NTS: variants seen among roughly 807,000 people sequenced by gnomAD.
NTS encodes the protein neurotensin/neuromedin N.
In NTS, 20 loss-of-function variants were observed where a neutral mutation model predicts 19.5. The ratio of observed to expected loss-of-function variants is 1.02; its 90% CI spans 0.72 to 1.49. The LOEUF (loss-of-function observed/expected upper bound fraction) is 1.49, where lower values mean the gene tolerates loss of function less well. NTS is among the 40% of genes most tolerant of loss of function. NTS has a pLI of 0.00. For missense variants in NTS, 215 were observed against 193.1 expected, an observed-to-expected ratio of 1.11 and a Z score of -0.67; for synonymous variants, 71 against 63.3, an observed-to-expected ratio of 1.12 and a Z score of -0.58.
At chr12:85,875,262 G>A (rs564243124) in intron 1 of NTS, among the ~76,000 whole-genome samples, 2 of 152,112 alleles carry the variant, frequency 1.3e-5, no homozygotes, top group South Asian at 4.1e-4. Context: ...AAATTGAAAG[G>A]TATAACATGA....
In NTS at chr12:85,882,867, C is replaced by G. The variant is rs1181072262; in HGVS notation, c.*492C>G. 1 of 150,650 alleles carries G rather than the reference C, an allele frequency of 6.6e-6. No homozygotes were observed. Among genetic ancestry groups the G allele is most frequent in the Non-Finnish European group, 1.5e-5 (1 of 67,098 alleles). 9.3% of individuals were successfully genotyped at this position (150,650 alleles called of 1,614,324 possible). A position where few individuals can be genotyped will look rare whatever the true frequency, so the allele number is the denominator to read the frequency against. ...AAAAGTTATTGTGATAAAATAGGAA[C>G]AGCTGAAAGATTGATTAATGAACTA... On this transcript the variant is annotated 3_prime_UTR_variant, in exon 4 of 4. Coordinates refer to ENST00000256010, the MANE Select transcript of NTS (RefSeq NM_006183.5).
chr12:85,875,585 A>G (rs1283801916), intron 1 of NTS, among the ~76,000 whole-genome samples: 1 of 152,066 alleles, frequency 6.6e-6, no homozygotes, highest in Non-Finnish European at 1.5e-5. Flanking sequence ...AAACTTTTCT[A>G]TAATTATGAT....
In NTS at chr12:85,882,908, A is replaced by G. The variant is rs908590077; in HGVS notation, c.*533A>G. On this transcript the variant is annotated 3_prime_UTR_variant, in exon 4 of 4. Transcript: ENST00000256010. ...TAATGAACTATTGTTAATTCTTCCT[A>G]TTTTAATGAATGACATTGAACTGAA... 6.6e-6 allele frequency: 1 copy of G among 152,114 alleles called. No homozygotes were observed. The highest frequency in any genetic ancestry group is 1.5e-5 in the Non-Finnish European group (1 of 67,966). The allele number at this position is 152,114 out of a possible 1,614,324, so 9.4% of individuals were successfully genotyped here.
intron 1 of NTS, among the ~76,000 whole-genome samples, chr12:85,875,990 C>A (rs1355083317): frequency 6.6e-6 from 1 of 151,874 alleles, no homozygotes; most frequent in Non-Finnish European, 1.5e-5. Context: ...ATCCAGAGAT[C>A]CATTTTCAAT....
chr12:85,878,292 C>T, intron 2 of NTS, 53 bp from the exon 3 acceptor site: 1 of 1,304,326 alleles, frequency 7.7e-7, no homozygotes, highest in Non-Finnish European at 1.1e-6. Context: ...GAATTCATTT[C>T]TTGCTCATGT....
intron 2 of NTS, among the ~76,000 whole-genome samples, chr12:85,877,305 C>A (rs560212575): frequency 1.3e-5 from 2 of 151,912 alleles, no homozygotes; most frequent in South Asian, 4.2e-4. Context: ...AGACATTTAC[C>A]GTTCTACAAT....
chr12:85,881,155 G>A (rs1317159421), intron 3 of NTS, among the ~76,000 whole-genome samples: 1 of 152,070 alleles, frequency 6.6e-6, no homozygotes, highest in African/African-American at 2.4e-5. Flanking sequence ...TCTGAGCATA[G>A]TACAAGTAAT....
chr12:85,879,573 T>G (rs1881448304), intron 3 of NTS, among the ~76,000 whole-genome samples: 1 of 86,926 alleles, frequency 1.2e-5, no homozygotes, highest in South Asian at 2.9e-4. Flanking sequence ...TAAAATATAT[T>G]TTTTGTATAT....
intron 3 of NTS, among the ~76,000 whole-genome samples, chr12:85,879,777 T>C (rs1268677434): frequency 7.1e-6 from 1 of 140,884 alleles, no homozygotes; most frequent in East Asian, 2.0e-4. Context: ...ATATAAAATA[T>C]ATTTTTTGTA....
At chr12:85,874,611 A>C in intron 1 of NTS, 135 bp downstream of exon 1, 2 of 541,780 alleles carry the variant, frequency 3.7e-6, no homozygotes, top group South Asian at 5.2e-5. Context: ...TAGTGACAGA[A>C]ACTGAGTATC....
chr12:85,874,502 C>T, intron 1 of NTS, 26 bp downstream of exon 1: 2 of 1,519,382 alleles, frequency 1.3e-6, no homozygotes, highest in Non-Finnish European at 1.8e-6. Flanking sequence ...TTTCACAACT[C>T]CCTGAAGTGA....
intron 3 of NTS, 134 bp downstream of exon 3, chr12:85,878,703 G>T (rs995469842): frequency 2.6e-5 from 13 of 504,014 alleles, no homozygotes; most frequent in Admixed American, 4.0e-5. Context: ...GCCATGTTTT[G>T]AAGTCAACAT....
rs1044679444 is a variant in NTS at position 85,879,808 on chromosome 12, A to T, written c.360+1239A>T. On this transcript the variant is annotated intron_variant, in intron 3 of 3. Coordinates refer to ENST00000256010, the MANE Select transcript of NTS (RefSeq NM_006183.5). ...TTGTATATTTTTGTATATAAAATAT[A>T]TTTTTATGTATATTTTATGTATATA... Among the ~76,000 whole-genome samples the T allele has an allele frequency of 2.6e-4, 33 of 125,294 alleles. 1 individual carries two copies. The highest frequency in any genetic ancestry group is 5.5e-4 in the Admixed American group (7 of 12,672). 82.2% of individuals were successfully genotyped at this position (125,294 alleles called of 152,430 possible). A position where few individuals can be genotyped will look rare whatever the true frequency, so the allele number is the denominator to read the frequency against.
At chr12:85,882,097 G>A (rs1881515007) in intron 3 of NTS, 126 bp from the exon 4 acceptor site, 1 of 688,718 alleles carries the variant, frequency 1.5e-6, no homozygotes, top group African/African-American at 1.9e-5. Flanking sequence ...TGAACTTCAT[G>A]TATCTCGTAT....
intron 2 of NTS, chr12:85,878,132 T>C (rs1881388640): frequency 1.2e-5 from 5 of 423,806 alleles, no homozygotes; most frequent in South Asian, 1.0e-4. Context: ...TGCATGTATA[T>C]GTGAATATAA....
intron 3 of NTS, among the ~76,000 whole-genome samples, chr12:85,880,442 C>T (rs1479744380): frequency 6.6e-6 from 1 of 152,128 alleles, no homozygotes; most frequent in Non-Finnish European, 1.5e-5. Flanking sequence ...TTTACACTAA[C>T]ATTGGGGATC....
rs1174054068 is a variant in NTS, at chr12:85,882,665, G to A, written c.*290G>A. The A allele has an allele frequency of 1.4e-5, 3 of 214,190 alleles. No individual in the cohort carries two copies. The highest frequency in any genetic ancestry group is 2.7e-5 in the Non-Finnish European group (3 of 109,694). 13.3% of individuals were successfully genotyped at this position (214,190 alleles called of 1,614,324 possible). ...CTTGAGTTGTTTAAACAGTCAAAAT[G>A]TTTGATATTTTATACCAGCTTATGA... On this transcript the variant is annotated 3_prime_UTR_variant, in exon 4 of 4. Coordinates refer to ENST00000256010, the MANE Select transcript of NTS (RefSeq NM_006183.5).
At position 85,878,558 on chromosome 12, in the gene NTS, CA is replaced by C. The variant is rs1824899130; in HGVS notation, c.351del (p.Gln117HisfsTer5). On this transcript the variant is annotated frameshift_variant, in exon 3 of 4. Coordinates refer to ENST00000256010, the MANE Select transcript of NTS (RefSeq NM_006183.5). LOFTEE classifies it high-confidence loss of function. ...CAAAATCTGTCACAGCAGGGCTTTT[CA>C]ACACTGGGAGGTATAGCAATAACAA... Reference protein sequence around the residue: ...LHKICHSRAFQHWELIQEDIL... With the variant: ...LHKICHSRAFXHWELIQEDIL... 6.2e-7 allele frequency: 1 copy of C among 1,607,396 alleles called. No homozygotes were observed. The highest frequency in any genetic ancestry group is 8.5e-7 in the Non-Finnish European group (1 of 1,175,244).
rs1257898945 is a variant in NTS, at chr12:85,882,870, C to A, written c.*495C>A. 1.3e-5 allele frequency: 2 copies of A among 150,446 alleles called. No homozygotes were observed. The highest frequency in any genetic ancestry group is 4.8e-5 in the African/African-American group (2 of 41,354). The allele number at this position is 150,446 out of a possible 1,614,324, so 9.3% of individuals were successfully genotyped here. A position where few individuals can be genotyped will look rare whatever the true frequency, so the allele number is the denominator to read the frequency against. The stretch of plus-strand genomic sequence containing the variant: ...AGTTATTGTGATAAAATAGGAACAG[C>A]TGAAAGATTGATTAATGAACTATTG... On this transcript the variant is annotated 3_prime_UTR_variant, in exon 4 of 4. Transcript: ENST00000256010.
Sources: allele counts gnomAD v4.1 joint callset (sites outside exome capture counted in the v4.1 genomes callset), GRCh38; gene constraint gnomAD v4.1.1; transcripts MANE v1.5; gene names NCBI Gene and HGNC (gene_info 2026-07-23, HGNC 2026-07-21).